BCR: variants seen among roughly 807,000 people sequenced by gnomAD.
BCR encodes the protein breakpoint cluster region protein.
A neutral mutation model predicts 138.6 loss-of-function variants in BCR; 58 were observed. The observed-to-expected ratio is 0.42, with a 90% CI of 0.34 to 0.52. The LOEUF is 0.52. BCR is among the 20% of genes least tolerant of loss of function. The pLI is 0.06. For missense variants in BCR, 1,599 were observed against 1,727.2 expected (o/e 0.93, Z 1.32); for synonymous variants, 786 against 730.1 (o/e 1.08, Z -1.23).
chr22:23,205,411 T>C (rs2072600363), intron 1 of BCR, among the ~76,000 whole-genome samples: 1 of 152,234 alleles, frequency 6.6e-6, no homozygotes, highest in Non-Finnish European at 1.5e-5. Flanking sequence ...TCTGCCGGTG[T>C]TCCCTCTCTG....
Position 23,313,168 on chromosome 22 carries a change from G to T in BCR, c.3457+147G>T, listed in dbSNP as rs147981046. 2,891 of 1,014,392 alleles carry T rather than the reference G, an allele frequency of 2.8e-3. 62 individuals carry two copies. In the African/African-American group the frequency reaches 0.041, roughly 15 times the overall value. The allele number at this position is 1,014,392 out of a possible 1,614,324, so 62.8% of individuals were successfully genotyped here. On this transcript the variant is annotated intron_variant, in intron 20 of 22. Coordinates refer to ENST00000305877, the MANE Select transcript of BCR (RefSeq NM_004327.4). ...TTTAACCCAACCTCAAAAAGCAGGG[G>T]ACCAGAACCGAGCCTGTCCTGGAAG...
At chr22:23,202,721 TTGTGTGTG>T (rs58577462) in intron 1 of BCR, among the ~76,000 whole-genome samples, 12 of 142,866 alleles carry the variant, frequency 8.4e-5, no homozygotes, top group African/African-American at 2.7e-4. Context: ...ATTCAATTGT[TTGTGTGTG>T]TGTGTGTGTG....
chr22:23,264,517 C>T (rs185408185), intron 4 of BCR: 12 of 537,474 alleles, frequency 2.2e-5, no homozygotes, highest in Non-Finnish European at 3.7e-5. Context: ...CTTCTGACTC[C>T]TGGAGCTTTG....
chr22:23,268,450 G>A lies in BCR; in HGVS notation c.1795G>A (p.Gly599Arg), dbSNP rs747836210. The A allele has an allele frequency of 1.3e-5, 21 of 1,613,802 alleles. No individual in the cohort carries two copies. The South Asian group carries it at 1.4e-4, about 11-fold the overall frequency. The change falls in exon 5 of 23, where the codon GGA becomes AGA. Residue 599 changes from glycine (G) to arginine (R), a missense_variant. Gly to Arg is a moderately radical substitution (Grantham distance 125, BLOSUM62 -2). This residue lies in a region of BCR where 590 missense variants were observed against 762.4 expected (regional missense o/e 0.77). Coordinates refer to ENST00000305877, the MANE Select transcript of BCR (RefSeq NM_004327.4). ...GTACCGGGCCTTCGTGGACAACTACGGAGTTGCCATGGAAATGGCTGAGAA... is the reference window on the plus strand; with the variant it reads ...GTACCGGGCCTTCGTGGACAACTACAGAGTTGCCATGGAAATGGCTGAGAA... ...GVYRAFVDNY[G>R]VAMEMAEKCC...
At position 23,261,454 on chromosome 22, in the gene BCR, A is replaced by C. The variant is rs1269301928; in HGVS notation, c.1666A>C (p.Ile556Leu). The change falls in exon 4 of 23, where the codon ATC (isoleucine) becomes CTC (leucine). Residue 556 changes from isoleucine to leucine, a missense_variant. Physicochemically the swap from Ile to Leu is conservative, Grantham distance 5. Transcript: ENST00000305877. ...CTTCAAAGTGCCTGAGCTCTACGAG[A>C]TCCACAAGGAGTTCTATGATGGGCT... is the stretch of plus-strand genomic sequence containing the variant. The part of the protein sequence containing the change: ...IFFKVPELYE[I>L]HKEFYDGLFP... The C allele has an allele frequency of 3.7e-6, 6 of 1,613,846 alleles. No individual in the cohort carries two copies. The highest frequency in any genetic ancestry group is 3.4e-6 in the Non-Finnish European group (4 of 1,180,012).
chr22:23,214,321 T>A (rs2072723849), intron 1 of BCR, among the ~76,000 whole-genome samples: 1 of 152,174 alleles, frequency 6.6e-6, no homozygotes, highest in African/African-American at 2.4e-5. Flanking sequence ...AATGGTTTTA[T>A]TTTAGGGATA....
intron 4 of BCR, chr22:23,261,754 ATATT>A: frequency 3.1e-6 from 1 of 323,134 alleles, no homozygotes. Context: ...TTTCTAATTT[ATATT>A]TATTTAGATA....
intron 1 of BCR, among the ~76,000 whole-genome samples, chr22:23,245,680 TGTGG>T (rs1318007508): frequency 6.6e-6 from 1 of 152,096 alleles, no homozygotes; most frequent in Admixed American, 6.5e-5. Context: ...ACTCACTGCA[TGTGG>T]GTGGCCTGAG....
intron 8 of BCR, among the ~76,000 whole-genome samples, chr22:23,282,580 G>A (rs1199767441): frequency 6.6e-6 from 1 of 152,260 alleles, no homozygotes; most frequent in Non-Finnish European, 1.5e-5. Context: ...TGGGGGAAAA[G>A]TTCAGAGAGA....
chr22:23,315,439 G>A lies in BCR; in HGVS notation c.3733G>A (p.Val1245Met), dbSNP rs761394061. The change falls in exon 23 of 23, where the codon GTG becomes ATG. Residue 1245 changes from valine to methionine, a missense_variant. Transcript: ENST00000305877. The part of the protein sequence containing the change: ...WSLEVMSQVQ[V>M]LLYFLQLEAI... ...CCCTACTCTGCCCGGGCAGGTCCAGGTGCTGCTGTACTTCCTGCAGCTGGA... is the reference window on the plus strand; with the variant it reads ...CCCTACTCTGCCCGGGCAGGTCCAGATGCTGCTGTACTTCCTGCAGCTGGA... The A allele has an allele frequency of 1.2e-6, 2 of 1,613,656 alleles. No individual in the cohort carries two copies. The highest frequency in any genetic ancestry group is 8.5e-7 in the Non-Finnish European group (1 of 1,179,952).
chr22:23,298,752 C>T (rs932699294), intron 16 of BCR, among the ~76,000 whole-genome samples: 7 of 152,154 alleles, frequency 4.6e-5, no homozygotes, highest in Non-Finnish European at 7.3e-5. Context: ...TGTGCCACCA[C>T]GCCTGGCTAA....
intron 21 of BCR, 73 bp downstream of exon 21, chr22:23,314,146 G>A: frequency 8.2e-7 from 1 of 1,223,990 alleles, no homozygotes; most frequent in South Asian, 1.2e-5. Flanking sequence ...GCTCCCACTA[G>A]ACCCCCAACA....
chr22:23,254,882 G>A (rs952265608), intron 2 of BCR, among the ~76,000 whole-genome samples: 1 of 152,156 alleles, frequency 6.6e-6, no homozygotes, highest in African/African-American at 2.4e-5. Context: ...TTCCACCATA[G>A]CCTGGCATGG....
intron 22 of BCR, among the ~76,000 whole-genome samples, 200 bp downstream of exon 22, chr22:23,314,914 T>C (rs566605931): frequency 2.6e-4 from 40 of 152,354 alleles, no homozygotes; most frequent in East Asian, 1.3e-3. Flanking sequence ...GCTAGTGCAC[T>C]TTGCTGGAAG....
intron 4 of BCR, 86 bp from the exon 5 acceptor site, chr22:23,268,322 G>A: frequency 8.9e-7 from 1 of 1,117,496 alleles, no homozygotes; most frequent in Non-Finnish European, 1.3e-6. Context: ...TGGAGTTTCT[G>A]CAGAGCTGTG....
At chr22:23,255,990 GGT>G (rs1265795536) in intron 2 of BCR, among the ~76,000 whole-genome samples, 3 of 152,258 alleles carry the variant, frequency 2.0e-5, no homozygotes, top group Non-Finnish European at 4.4e-5. Context: ...TCTTCCCAGT[GGT>G]TGGGGCCCCA....
intron 4 of BCR, chr22:23,265,108 C>A (rs527331696): frequency 6.6e-6 from 1 of 152,180 alleles, no homozygotes; most frequent in African/African-American, 2.4e-5. Context: ...GATAATATTC[C>A]GAAATCACTC....
At chr22:23,189,379 G>A (rs932976538) in intron 1 of BCR, among the ~76,000 whole-genome samples, 1 of 151,996 alleles carries the variant, frequency 6.6e-6, no homozygotes. Flanking sequence ...CCATGATTTT[G>A]CCTCTCCTAG....
At chr22:23,262,689 A>C in intron 4 of BCR, 8 of 623,438 alleles carry the variant, frequency 1.3e-5, no homozygotes, top group Non-Finnish European at 1.6e-5. Context: ...GGCCGCCGGG[A>C]ATGGCGGGCC....
Sources: allele counts gnomAD v4.1 joint callset (sites outside exome capture counted in the v4.1 genomes callset), GRCh38; gene constraint gnomAD v4.1.1; regional missense constraint gnomAD v4.1.1; transcripts MANE v1.5; gene names NCBI Gene and HGNC (gene_info 2026-07-23, HGNC 2026-07-21).